The following LRRC7 variants were observed in gnomAD, a reference collection of about 807,000 sequenced individuals.
The protein encoded by LRRC7 is leucine-rich repeat-containing protein 7.
Under a neutral mutation model 175.7 loss-of-function variants are expected in LRRC7, and 23 were observed. That is an observed-to-expected ratio of 0.13 (90% CI 0.09 to 0.19). LRRC7 has a LOEUF of 0.19. LRRC7 is among the 10% of genes least tolerant of loss of function. The pLI is 1.00. For synonymous variants in LRRC7, 685 were observed against 680.9 expected (o/e 1.01, Z -0.09); for missense variants, 1,354 against 1,904.7 (o/e 0.71, Z 5.38).
chr1:69,821,401 G>T (rs553046310), intron 4 of LRRC7, among the ~76,000 whole-genome samples: 2 of 151,648 alleles, frequency 1.3e-5, no homozygotes, highest in South Asian at 4.2e-4. Context: ...TTCATTTATT[G>T]TATTCATCGG....
At chr1:70,012,491 A>T (rs1442530137) in intron 12 of LRRC7, among the ~76,000 whole-genome samples, 3 of 151,890 alleles carry the variant, frequency 2.0e-5, no homozygotes, top group African/African-American at 7.2e-5. Flanking sequence ...AAACATTCTT[A>T]TAATGATGCA....
At chr1:69,899,519 T>G (rs1379508688) in intron 7 of LRRC7, among the ~76,000 whole-genome samples, 2 of 152,204 alleles carry the variant, frequency 1.3e-5, no homozygotes, top group Admixed American at 6.5e-5. Flanking sequence ...TTGGGTCAGA[T>G]AGTAAATATT....
At chr1:69,867,795 G>T (rs1685103064) in intron 7 of LRRC7, among the ~76,000 whole-genome samples, 1 of 152,142 alleles carries the variant, frequency 6.6e-6, no homozygotes, top group South Asian at 2.1e-4. Context: ...GGTGCTTGAT[G>T]CTTGGGTGAA....
At chr1:69,757,007 T>C (rs1670504938) in intron 2 of LRRC7, among the ~76,000 whole-genome samples, 2 of 151,908 alleles carry the variant, frequency 1.3e-5, no homozygotes, top group Non-Finnish European at 1.5e-5. Flanking sequence ...TGAAAGTTAT[T>C]ATGTGTGGGG....
intron 7 of LRRC7, among the ~76,000 whole-genome samples, chr1:69,916,040 T>G (rs1646677464): frequency 8.6e-6 from 1 of 115,684 alleles, no homozygotes; most frequent in Non-Finnish European, 1.8e-5. Flanking sequence ...ATATATAAAT[T>G]TATATATATA....
intron 7 of LRRC7, among the ~76,000 whole-genome samples, chr1:69,925,204 G>C (rs1195802602): frequency 6.6e-6 from 1 of 152,162 alleles, no homozygotes. Context: ...CGGTTTGCCA[G>C]TATTTTATTG....
At chr1:69,705,943 A>G (rs894421236) in intron 2 of LRRC7, among the ~76,000 whole-genome samples, 1 of 152,126 alleles carries the variant, frequency 6.6e-6, no homozygotes, top group African/African-American at 2.4e-5. Flanking sequence ...ATTCTACCAC[A>G]TCTTCCCTCC....
chr1:70,109,741 T>C (rs1199487662), intron 26 of LRRC7, among the ~76,000 whole-genome samples: 1 of 152,204 alleles, frequency 6.6e-6, no homozygotes, highest in Non-Finnish European at 1.5e-5. Flanking sequence ...GTATGAATTG[T>C]AGTGAAAAAC....
chr1:69,642,537 C>G (rs1027782456), intron 1 of LRRC7, among the ~76,000 whole-genome samples: 1 of 148,948 alleles, frequency 6.7e-6, no homozygotes, highest in African/African-American at 2.6e-5. Flanking sequence ...AGGAGTTTCT[C>G]TTTCTTTCTC....
rs998045496 is a variant in LRRC7, at chr1:70,140,157, T to C, written c.*18270T>C. 3.9e-5 allele frequency: 6 copies of C among 152,148 alleles called. No individual in the cohort carries two copies. The highest frequency in any genetic ancestry group is 2.1e-4 in the South Asian group (1 of 4,816). The allele number at this position is 152,148 out of a possible 1,614,324, so 9.4% of individuals were successfully genotyped here. On this transcript the variant is annotated 3_prime_UTR_variant, in exon 27 of 27. Transcript: ENST00000651989. The stretch of plus-strand genomic sequence containing the variant: ...GGTTTTGGAAAGGTGAAAAGAAAAT[T>C]GTTACATCAGGCTGCTTTTATCAAG...
intron 1 of LRRC7, among the ~76,000 whole-genome samples, chr1:69,632,009 C>T (rs1485279545): frequency 6.6e-6 from 1 of 152,150 alleles, no homozygotes; most frequent in African/African-American, 2.4e-5. Flanking sequence ...GTCTTTCCTC[C>T]TTTTCCAATA....
At chr1:69,993,592 TATGTTAAAA>T (rs1384627227) in intron 10 of LRRC7, among the ~76,000 whole-genome samples, 2,332 of 152,300 alleles carry the variant, frequency 0.015, 57 homozygotes, top group African/African-American at 0.052. Flanking sequence ...GTCACATTGG[TATGTTAAAA>T]GCTCCTAGAC....
intron 1 of LRRC7, among the ~76,000 whole-genome samples, chr1:69,675,778 ATC>A (rs1659678609): frequency 6.6e-6 from 1 of 152,134 alleles, no homozygotes; most frequent in African/African-American, 2.4e-5. Flanking sequence ...TAGAAGCTTA[ATC>A]TTCACCCCGC....
In LRRC7 at chr1:70,023,068, A is replaced by G. The variant is rs141248264; in HGVS notation, c.1546-58A>G. ...AAGAGAGTAGAAAAATGATAAAGTGAAAGTATTGCTACAGTGCTCCTCTTT... is the reference window on the plus strand; with the variant it reads ...AAGAGAGTAGAAAAATGATAAAGTGGAAGTATTGCTACAGTGCTCCTCTTT... On this transcript the variant is annotated intron_variant, in intron 16 of 26. Coordinates refer to ENST00000651989, the MANE Select transcript of LRRC7 (RefSeq NM_001370785.2). 3.5e-3 allele frequency: 4,833 copies of G among 1,365,046 alleles called. 10 individuals carry two copies. Among genetic ancestry groups the G allele is most frequent in the Non-Finnish European group, 3.9e-3 (4,078 of 1,047,452 alleles). 84.6% of individuals were successfully genotyped at this position (1,365,046 alleles called of 1,614,324 possible).
In LRRC7 at chr1:70,043,976, C is replaced by T. The variant is rs369788287; in HGVS notation, c.3992C>T (p.Thr1331Ile). ...CAGAATGCTGCTTACAAACACAATACAGTTAACCTTGGCATGCTGCCCTAT... is the reference window on the plus strand; with the variant it reads ...CAGAATGCTGCTTACAAACACAATATAGTTAACCTTGGCATGCTGCCCTAT... ...LDRNAAYKHN[T>I]VNLGMLPYGG... The change falls in exon 22 of 27, where the codon ACA (threonine) becomes ATA (isoleucine). Residue 1331 changes from threonine to isoleucine, a missense_variant. Coordinates refer to ENST00000651989, the MANE Select transcript of LRRC7 (RefSeq NM_001370785.2). The T allele has an allele frequency of 1.2e-6, 2 of 1,612,660 alleles. No individual in the cohort carries two copies. The highest frequency in any genetic ancestry group is 1.7e-6 in the Non-Finnish European group (2 of 1,179,086).
intron 2 of LRRC7, among the ~76,000 whole-genome samples, chr1:69,755,350 A>G (rs1468046747): frequency 1.4e-5 from 2 of 144,008 alleles, no homozygotes; most frequent in Non-Finnish European, 3.0e-5. Flanking sequence ...ATACACACAC[A>G]TATATATATA....
Position 70,136,093 on chromosome 1 carries a change from G to A in LRRC7, c.*14206G>A, listed in dbSNP as rs866601662. On this transcript the variant is annotated 3_prime_UTR_variant, in exon 27 of 27. Transcript: ENST00000651989. Reference sequence around the variant, plus strand: ...TGTGTGTCTGTGTGTGTGTGTGTGTGTGTGTCTATATATCTTATCAGGCAA... The same window carrying A: ...TGTGTGTCTGTGTGTGTGTGTGTGTATGTGTCTATATATCTTATCAGGCAA... 4.0e-3 allele frequency among the ~76,000 whole-genome samples: 597 copies of A among 149,872 alleles called. 4 individuals carry two copies. Among genetic ancestry groups the A allele is most frequent in the African/African-American group, 0.014 (560 of 40,366 alleles).
chr1:69,632,813 A>G (rs1037092531), intron 1 of LRRC7, among the ~76,000 whole-genome samples: 4 of 152,182 alleles, frequency 2.6e-5, no homozygotes, highest in Admixed American at 6.6e-5. Flanking sequence ...ATGTAATTTT[A>G]TGACTACCAT....
At position 70,039,172 on chromosome 1, in the gene LRRC7, A is replaced by G. The variant is rs1022979912; in HGVS notation, c.3348A>G (p.Gly1116=). Residue 1116 remains glycine, a synonymous_variant, in exon 21 of 27, where the codon GGA becomes GGG. Coordinates refer to ENST00000651989, the MANE Select transcript of LRRC7 (RefSeq NM_001370785.2). ...TGATTAGTCCTAGAGCTTACAGAGGATACCCACCGATGGAGCAAATGTTTT... is the reference window on the plus strand; with the variant it reads ...TGATTAGTCCTAGAGCTTACAGAGGGTACCCACCGATGGAGCAAATGTTTT... ...KDLISPRAYR[G]YPPMEQMFSF... is the part of the protein sequence containing the mutation. The G allele has an allele frequency of 6.8e-6, 11 of 1,614,158 alleles. No homozygotes were observed. The highest frequency in any genetic ancestry group is 2.2e-5 in the East Asian group (1 of 44,862).
Sources: gnomAD v4.1 joint callset for allele counts (sites outside exome capture counted in the v4.1 genomes callset) on GRCh38, gnomAD v4.1.1 for gene constraint, MANE v1.5 for transcripts, NCBI Gene and HGNC (gene_info 2026-07-23, HGNC 2026-07-21) for gene names.